DSEL: variants seen among roughly 807,000 people sequenced by gnomAD.
DSEL encodes dermatan sulfate epimerase like, also known as dermatan-sulfate epimerase-like protein.
In DSEL, 61 loss-of-function variants were observed where a neutral mutation model predicts 96.6. The ratio of observed to expected loss-of-function variants is 0.63; its 90% confidence interval spans 0.51 to 0.78. The LOEUF (loss-of-function observed/expected upper bound fraction) is 0.78. DSEL is among the 30% of genes least tolerant of loss of function. DSEL has a pLI of 0.00. For missense variants in DSEL, 1,320 were observed against 1,430.8 expected, an observed-to-expected ratio of 0.92 and a Z score of 1.25; for synonymous variants, 514 against 502.0, an observed-to-expected ratio of 1.02 and a Z score of -0.32.
At position 67,513,321 on chromosome 18, in the gene DSEL, T is replaced by C; in HGVS notation, c.1288A>G (p.Asn430Asp). The C allele has an allele frequency of 6.2e-7, 1 of 1,614,228 alleles. No individual in the cohort carries two copies. The highest frequency in any genetic ancestry group is 8.5e-7 in the Non-Finnish European group (1 of 1,180,042). ...YGAGLPNTQT[N>D]TFVSFKSGKL... ...CCAGATTTAAAAGACACAAAGGTGT[T>C]GGTCTGTGTGTTTGGCAACCCAGCC... Residue 430 changes from asparagine (N) to aspartate (D), a missense_variant, in exon 2 of 2, where the codon AAC (asparagine) becomes GAC (aspartate). Asn to Asp is a conservative substitution (Grantham distance 23). Around this residue, in one of 3 missense-constraint regions of DSEL, gnomAD observed 986 missense variants for 1,066.4 expected, o/e 0.92. Coordinates refer to ENST00000310045, the MANE Select transcript of DSEL (RefSeq NM_032160.3).
At position 67,512,630 on chromosome 18, in the gene DSEL, C is replaced by T; in HGVS notation, c.1979G>A (p.Arg660Gln). Residue 660 changes from arginine to glutamine, a missense_variant, in exon 2 of 2, where the codon CGA (arginine) becomes CAA (glutamine). Physicochemically the swap from Arg to Gln is conservative, Grantham distance 43 (BLOSUM62 1). Coordinates refer to ENST00000310045, the MANE Select transcript of DSEL (RefSeq NM_032160.3). ...AGTAACATTAACAAATTGAGTCCATCGTTTTTTAAATTCAGCAGCTTGCTC... is the reference window on the plus strand; with the variant it reads ...AGTAACATTAACAAATTGAGTCCATTGTTTTTTAAATTCAGCAGCTTGCTC... ...EAEQAAEFKK[R>Q]WTQFVNVTFQ... is the part of the protein sequence containing the mutation. The T allele has an allele frequency of 1.4e-5, 23 of 1,614,056 alleles. 1 individual carries two copies. The highest frequency in any genetic ancestry group is 3.3e-5 in the South Asian group (3 of 91,066).
chr18:67,511,912 T>A lies in DSEL; in HGVS notation c.2697A>T (p.Ser899=). ...CCTTCCATTCACAAGCATCTACAAA[T>A]GAGTCGATTTCCAACTCAGTTTCAG... is the stretch of plus-strand genomic sequence containing the variant. ...DIPETELEID[S]FVDACEWKVS... The change falls in exon 2 of 2, where the codon TCA becomes TCT. Residue 899 remains serine (S), a synonymous_variant. Coordinates refer to ENST00000310045, the MANE Select transcript of DSEL (RefSeq NM_032160.3). The A allele has an allele frequency of 6.2e-7, 1 of 1,614,174 alleles. No homozygotes were observed. The highest frequency in any genetic ancestry group is 8.5e-7 in the Non-Finnish European group (1 of 1,180,028).
rs768899333 is a variant in DSEL, at chr18:67,510,955, G to A, written c.*15C>T. On this transcript the variant is annotated 3_prime_UTR_variant, in exon 2 of 2. Transcript: ENST00000310045. ...GTAAGTATTATTAGTGCAAATTTCT[G>A]CTGACCTGCAGCATTTAGTCCATAA... The A allele has an allele frequency of 6.5e-7, 1 of 1,542,066 alleles. No homozygotes were observed. Among genetic ancestry groups the A allele is most frequent in the Non-Finnish European group, 8.7e-7 (1 of 1,150,572 alleles).
Position 67,513,096 on chromosome 18 carries a change from G to A in DSEL, c.1513C>T (p.Pro505Ser), listed in dbSNP as rs772126850. Residue 505 changes from proline to serine, a missense_variant, in exon 2 of 2, where the codon CCA becomes TCA. By Grantham distance (74) the Pro-to-Ser change is moderately conservative. Coordinates refer to ENST00000310045, the MANE Select transcript of DSEL (RefSeq NM_032160.3). The part of the protein sequence containing the change: ...SHLNNVLVFA[P>S]SPSSQCNKPW... Reference sequence around the variant, plus strand: ...TTATTACACTGGCTTGAGGGTGATGGAGCAAACACCAATACATTGTTAAGG... The same window carrying A: ...TTATTACACTGGCTTGAGGGTGATGAAGCAAACACCAATACATTGTTAAGG... The A allele has an allele frequency of 6.2e-7, 1 of 1,614,124 alleles. No homozygotes were observed. Among genetic ancestry groups the A allele is most frequent in the South Asian group, 1.1e-5 (1 of 91,080 alleles).
chr18:67,514,008 A>G lies in DSEL; in HGVS notation c.601T>C (p.Trp201Arg), dbSNP rs750394219. ...HRRQKYLEKIWVITEEMYEYS... is the reference protein window; with the variant it reads ...HRRQKYLEKIRVITEEMYEYS... Reference sequence around the variant, plus strand: ...TCGTACATTTCCTCAGTAATAACCCATATTTTTTCCAGGTATTTTTGTCTT... The same window carrying G: ...TCGTACATTTCCTCAGTAATAACCCGTATTTTTTCCAGGTATTTTTGTCTT... The change falls in exon 2 of 2, where the codon TGG (tryptophan) becomes CGG (arginine). Residue 201 changes from tryptophan (W) to arginine (R), a missense_variant. By Grantham distance (101) the Trp-to-Arg change is moderately radical (BLOSUM62 -3). Transcript: ENST00000310045. 32 of 1,614,144 alleles carry G rather than the reference A, an allele frequency of 2.0e-5. No individual in the cohort carries two copies. The highest frequency in any genetic ancestry group is 2.3e-5 in the Non-Finnish European group (27 of 1,180,030).
At position 67,511,217 on chromosome 18, in the gene DSEL, A is replaced by T. The variant is rs1291806872; in HGVS notation, c.3392T>A (p.Val1131Glu). 1 of 1,613,948 alleles carries T rather than the reference A, an allele frequency of 6.2e-7. No individual in the cohort carries two copies. The highest frequency in any genetic ancestry group is 8.5e-7 in the Non-Finnish European group (1 of 1,180,028). Reference sequence around the variant, plus strand: ...TTCAGTAGTTTTCTGAGGAAAATGCACAATATCTTCAAACTTGACCAGCTG... The same window carrying T: ...TTCAGTAGTTTTCTGAGGAAAATGCTCAATATCTTCAAACTTGACCAGCTG... ...SYQLVKFEDI[V>E]HFPQKTTERI... The change falls in exon 2 of 2, where the codon GTG (valine) becomes GAG (glutamate). Residue 1131 changes from valine to glutamate, a missense_variant. Physicochemically the swap from Val to Glu is moderately radical, Grantham distance 121. Transcript: ENST00000310045.
rs1395354367 is a variant in DSEL at position 67,515,001 on chromosome 18, AT to A, written c.-394del. On this transcript the variant is annotated 5_prime_UTR_variant, in exon 2 of 2. An upstream open reading frame in the 5' UTR loses its in-frame stop. Transcript: ENST00000310045. The stretch of plus-strand genomic sequence containing the variant: ...AAAAAAAGAGAAAAAGCACTCCAAA[AT>A]TCAAATTAAGAGTCATTTCTAGCAC... The A allele has an allele frequency of 4.7e-6, 1 of 210,960 alleles. No homozygotes were observed. The highest frequency in any genetic ancestry group is 1.0e-5 in the Non-Finnish European group (1 of 97,318). The allele number at this position is 210,960 out of a possible 1,614,324, so 13.1% of individuals were successfully genotyped here.
rs908951901 is a variant in DSEL at position 67,509,449 on chromosome 18, T to G, written c.*1521A>C. 1 of 152,014 alleles carries G rather than the reference T, an allele frequency of 6.6e-6. No individual in the cohort carries two copies. Among genetic ancestry groups the G allele is most frequent in the Non-Finnish European group, 1.5e-5 (1 of 68,024 alleles). The allele number at this position is 152,014 out of a possible 1,614,324, so 9.4% of individuals were successfully genotyped here. On this transcript the variant is annotated 3_prime_UTR_variant, in exon 2 of 2. Transcript: ENST00000310045. ...ATTACAGAGGGACAATCATGAGAGA[T>G]ATGGGAAGGAATATGTTGGGGAGGG...
chr18:67,508,321 G>A lies in DSEL; in HGVS notation c.*2649C>T, dbSNP rs1353818974. ...TTAGGAATTCTGTTTCTAAGGCAGGGGTCTCAGGCACCATCACATGCATAC... is the reference window on the plus strand; with the variant it reads ...TTAGGAATTCTGTTTCTAAGGCAGGAGTCTCAGGCACCATCACATGCATAC... On this transcript the variant is annotated 3_prime_UTR_variant, in exon 2 of 2. Coordinates refer to ENST00000310045, the MANE Select transcript of DSEL (RefSeq NM_032160.3). 1 of 152,124 alleles carries A rather than the reference G, an allele frequency of 6.6e-6. No homozygotes were observed. Among genetic ancestry groups the A allele is most frequent in the Admixed American group, 6.5e-5 (1 of 15,268 alleles). The allele number at this position is 152,124 out of a possible 1,614,324, so 9.4% of individuals were successfully genotyped here.
rs1482285500 is a variant in DSEL, at chr18:67,511,712, G to T, written c.2897C>A (p.Ser966Tyr). The T allele has an allele frequency of 1.9e-6, 3 of 1,613,976 alleles. No individual in the cohort carries two copies. In the Admixed American group the frequency reaches 5.0e-5, roughly 27 times the overall value. Residue 966 changes from serine to tyrosine, a missense_variant, in exon 2 of 2, where the codon TCT becomes TAT. This residue lies in a region of DSEL where 986 missense variants were observed against 1,066.4 expected (regional missense o/e 0.92). Coordinates refer to ENST00000310045, the MANE Select transcript of DSEL (RefSeq NM_032160.3). ...DKKRKFKRRE[S>Y]LPEQRSQMKG... ...CATTTGACTTCTTTGTTCTGGCAAAGACTCTCTCCTTTTAAATTTTCTTTT... is the reference window on the plus strand; with the variant it reads ...CATTTGACTTCTTTGTTCTGGCAAATACTCTCTCCTTTTAAATTTTCTTTT...
At position 67,513,020 on chromosome 18, in the gene DSEL, C is replaced by T; in HGVS notation, c.1589G>A (p.Gly530Asp). 1.2e-6 allele frequency: 2 copies of T among 1,614,208 alleles called. No homozygotes were observed. The highest frequency in any genetic ancestry group is 8.5e-7 in the Non-Finnish European group (1 of 1,180,050). The change falls in exon 2 of 2, where the codon GGC becomes GAC. Residue 530 changes from glycine (G) to aspartate (D), a missense_variant. Gly to Asp is a moderately conservative substitution (Grantham distance 94). Transcript: ENST00000310045. The stretch of plus-strand genomic sequence containing the variant: ...CCCAGCTGCATCACCAACCTCCTCG[C>T]CAGTCCACTTAAGCCACTGCGCACA... ...GECAQWLKWTGEEVGDAAGEI... is the reference protein window; with the variant it reads ...GECAQWLKWTDEEVGDAAGEI...
chr18:67,510,912 T>TATCC lies in DSEL; in HGVS notation c.*54_*57dup, dbSNP rs2089437865. The TATCC allele has an allele frequency of 6.4e-6, 9 of 1,401,252 alleles. No individual in the cohort carries two copies. The highest frequency in any genetic ancestry group is 8.7e-6 in the Non-Finnish European group (9 of 1,031,444). 86.8% of individuals were successfully genotyped at this position (1,401,252 alleles called of 1,614,324 possible). A position where few individuals can be genotyped will look rare whatever the true frequency, so the allele number is the denominator to read the frequency against. ...AGAATAAACAAACTCTTCTGATTCA[T>TATCC]ATCCACAAAGTGGGTTGGTAAGTAT... On this transcript the variant is annotated 3_prime_UTR_variant, in exon 2 of 2. Coordinates refer to ENST00000310045, the MANE Select transcript of DSEL (RefSeq NM_032160.3).
chr18:67,513,278 G>T lies in DSEL; in HGVS notation c.1331C>A (p.Ala444Asp). The T allele has an allele frequency of 6.2e-7, 1 of 1,614,184 alleles. No individual in the cohort carries two copies. The highest frequency in any genetic ancestry group is 8.5e-7 in the Non-Finnish European group (1 of 1,180,046). The change falls in exon 2 of 2, where the codon GCT becomes GAT. Residue 444 changes from alanine (A) to aspartate (D), a missense_variant. Ala to Asp is a moderately radical substitution (Grantham distance 126, BLOSUM62 -2). Around this residue, in one of 3 missense-constraint regions of DSEL, gnomAD observed 986 missense variants for 1,066.4 expected, o/e 0.92. Transcript: ENST00000310045. ...CTGAAAATGAACTATGTCATACACAGCTCGTCCCCCCAGCTTCCCAGATTT... is the reference window on the plus strand; with the variant it reads ...CTGAAAATGAACTATGTCATACACATCTCGTCCCCCCAGCTTCCCAGATTT... ...SFKSGKLGGRAVYDIVHFQPY... is the reference protein window; with the variant it reads ...SFKSGKLGGRDVYDIVHFQPY...
chr18:67,515,231 T>G lies in DSEL; in HGVS notation c.-623A>C, dbSNP rs1195801292. 6.0e-6 allele frequency: 1 copy of G among 167,040 alleles called. No homozygotes were observed. Among genetic ancestry groups the G allele is most frequent in the Non-Finnish European group, 1.5e-5 (1 of 68,122 alleles). 10.3% of individuals were successfully genotyped at this position (167,040 alleles called of 1,614,324 possible). On this transcript the variant is annotated 5_prime_UTR_variant, in exon 2 of 2. Coordinates refer to ENST00000310045, the MANE Select transcript of DSEL (RefSeq NM_032160.3). ...ACATCCTCAACAAGTGATCAAAGTCTTAGTTGGTTTTTAAAAATTCAAAAT... is the reference window on the plus strand; with the variant it reads ...ACATCCTCAACAAGTGATCAAAGTCGTAGTTGGTTTTTAAAAATTCAAAAT...
At position 67,506,710 on chromosome 18, in the gene DSEL, C is replaced by A. The variant is rs1046753385; in HGVS notation, c.*4260G>T. 1 of 151,754 alleles carries A rather than the reference C, an allele frequency of 6.6e-6. No homozygotes were observed. The highest frequency in any genetic ancestry group is 1.5e-5 in the Non-Finnish European group (1 of 67,974). The allele number at this position is 151,754 out of a possible 1,614,324, so 9.4% of individuals were successfully genotyped here. Reference sequence around the variant, plus strand: ...AACTAGATAACGTATGAAGGAAAAACGACGACGAACAAAAAATTAATTGCT... The same window carrying A: ...AACTAGATAACGTATGAAGGAAAAAAGACGACGAACAAAAAATTAATTGCT... On this transcript the variant is annotated 3_prime_UTR_variant, in exon 2 of 2. Coordinates refer to ENST00000310045, the MANE Select transcript of DSEL (RefSeq NM_032160.3).
rs1389740518 is a variant in DSEL at position 67,509,698 on chromosome 18, G to T, written c.*1272C>A. The T allele has an allele frequency of 6.6e-6, 1 of 152,396 alleles. No individual in the cohort carries two copies. The highest frequency in any genetic ancestry group is 1.5e-5 in the Non-Finnish European group (1 of 68,024). 9.4% of individuals were successfully genotyped at this position (152,396 alleles called of 1,614,324 possible). On this transcript the variant is annotated 3_prime_UTR_variant, in exon 2 of 2. Transcript: ENST00000310045. ...AACATCAGGAAGAAGACTGCAATCT[G>T]TACAGAGATTTTCATCAAGTCTCCA...
chr18:67,514,520 GAAT>G lies in DSEL; in HGVS notation c.86_88del (p.Tyr29del). The G allele has an allele frequency of 2.5e-6, 4 of 1,614,062 alleles. No individual in the cohort carries two copies. The highest frequency in any genetic ancestry group is 1.6e-4 in the Middle Eastern group (1 of 6,062). ...ATCATCTGTGAAAACTGCCCATTCG[GAAT>G]AATTGCTCACAGATTCCTCAAAAGT... On this transcript the variant is annotated inframe_deletion, in exon 2 of 2. Coordinates refer to ENST00000310045, the MANE Select transcript of DSEL (RefSeq NM_032160.3).
At position 67,516,446 on chromosome 18, in the gene DSEL, G is replaced by T. The variant is rs190146444; in HGVS notation, c.-970C>A. On this transcript the variant is annotated 5_prime_UTR_variant, in exon 1 of 2. Transcript: ENST00000310045. This position sits in a 1 kb window ranked among gnomAD's most constrained non-coding sequence, Gnocchi z 5.6. Reference sequence around the variant, plus strand: ...AGAGTTCCAGAAAACTGCTCTGCACGGCGGGCCAGGCTCCCGCGGGGCTCC... The same window carrying T: ...AGAGTTCCAGAAAACTGCTCTGCACTGCGGGCCAGGCTCCCGCGGGGCTCC... 7.6e-3 allele frequency: 1,153 copies of T among 152,466 alleles called. 11 individuals are homozygous for T. Among genetic ancestry groups the T allele is most frequent in the Middle Eastern group, 0.023 (7 of 298 alleles). 9.4% of individuals were successfully genotyped at this position (152,466 alleles called of 1,614,324 possible).
Position 67,514,032 on chromosome 18 carries a change from T to C in DSEL, c.577A>G (p.Arg193Gly). The C allele has an allele frequency of 6.2e-7, 1 of 1,614,170 alleles. No individual in the cohort carries two copies. Among genetic ancestry groups the C allele is most frequent in the Non-Finnish European group, 8.5e-7 (1 of 1,180,014 alleles). ...FLYNLLDNHR[R>G]QKYLEKIWVI... ...CATATTTTTTCCAGGTATTTTTGTC[T>C]TCGATGATTATCTAATAAGTTATAT... Residue 193 changes from arginine (R) to glycine (G), a missense_variant, in exon 2 of 2, where the codon AGA (arginine) becomes GGA (glycine). Transcript: ENST00000310045.
Sources: allele counts gnomAD v4.1 joint callset, GRCh38; gene constraint gnomAD v4.1.1; regional missense constraint gnomAD v4.1.1; non-coding constraint Gnocchi (gnomAD v3.1); transcripts MANE v1.5; gene names NCBI Gene and HGNC (gene_info 2026-07-23, HGNC 2026-07-21).